Variants in MAGI1 observed in about 807,000 individuals in gnomAD.
MAGI1 encodes the protein membrane associated guanylate kinase, WW and PDZ domain containing 1.
In MAGI1, 58 loss-of-function variants were observed where a neutral mutation model predicts 139.9. The observed-to-expected ratio is 0.41, with a 90% CI of 0.34 to 0.52. The LOEUF (loss-of-function observed/expected upper bound fraction) is 0.52, where lower values mean the gene tolerates loss of function less well. Ranked by LOEUF, MAGI1 falls within the 20% of genes least tolerant of loss-of-function variation. MAGI1 has a pLI of 0.12. For synonymous variants in MAGI1, 812 were observed against 737.9 expected (o/e 1.10, Z -1.63); for missense variants, 1,874 against 1,901.6 (o/e 0.99, Z 0.27).
chr3:65,817,000 T>C (rs1249624080), intron 1 of MAGI1, among the ~76,000 whole-genome samples: 1 of 152,206 alleles, frequency 6.6e-6, no homozygotes, highest in Non-Finnish European at 1.5e-5. Context: ...TTGCATATTG[T>C]AGTCAATCAT....
At chr3:65,390,296 C>T (rs140708002) in intron 14 of MAGI1, among the ~76,000 whole-genome samples, 2 of 152,288 alleles carry the variant, frequency 1.3e-5, no homozygotes, top group Non-Finnish European at 2.9e-5. Context: ...ACCATCACAA[C>T]ACCTCTCTCC....
intron 1 of MAGI1, among the ~76,000 whole-genome samples, chr3:65,828,730 C>T (rs2042362678): frequency 1.3e-5 from 2 of 152,164 alleles, no homozygotes; most frequent in South Asian, 2.1e-4. Flanking sequence ...GGGTATGGAC[C>T]TTGAGATACG....
intron 1 of MAGI1, among the ~76,000 whole-genome samples, chr3:65,816,406 A>G (rs1559910514): frequency 2.0e-5 from 3 of 152,206 alleles, no homozygotes; most frequent in Non-Finnish European, 4.4e-5. Flanking sequence ...CATTTCAATG[A>G]ATTTATATTT....
At position 65,627,464 on chromosome 3, in the gene MAGI1, C is replaced by T. The variant is rs901735103; in HGVS notation, c.314-5376G>A. Among the ~76,000 whole-genome samples the T allele has an allele frequency of 5.1e-5, 6 of 117,528 alleles. No homozygotes were observed. The Admixed American group carries it at 5.2e-4, about 10-fold the overall frequency. The allele number at this position is 117,528 out of a possible 152,430, so 77.1% of individuals were successfully genotyped here. On this transcript the variant is annotated intron_variant, in intron 1 of 22. Transcript: ENST00000402939. The stretch of plus-strand genomic sequence containing the variant: ...GGGCTTAGATGCTCTCTTGATTTGC[C>T]GTTATTTTATATTTCTGTATCTTTT...
At chr3:65,391,757 GAAAT>G (rs1199273048) in intron 13 of MAGI1, among the ~76,000 whole-genome samples, 2 of 152,248 alleles carry the variant, frequency 1.3e-5, no homozygotes, top group South Asian at 4.2e-4. Flanking sequence ...ATATCCAGAA[GAAAT>G]ATAATCAGGG....
At chr3:65,850,753 C>T (rs570192038) in intron 1 of MAGI1, among the ~76,000 whole-genome samples, 4 of 152,112 alleles carry the variant, frequency 2.6e-5, no homozygotes, top group Non-Finnish European at 5.9e-5. Context: ...TTACTTTCTC[C>T]ACGGCTGAGA....
intron 4 of MAGI1, among the ~76,000 whole-genome samples, chr3:65,477,959 A>G (rs1327894908): frequency 2.0e-5 from 3 of 151,742 alleles, no homozygotes; most frequent in Non-Finnish European, 4.4e-5. Flanking sequence ...CCCTGAATAT[A>G]GATAAAATAT....
chr3:65,929,444 G>T (rs992652668), intron 1 of MAGI1, among the ~76,000 whole-genome samples: 1 of 151,606 alleles, frequency 6.6e-6, no homozygotes, highest in Admixed American at 6.6e-5. Context: ...AGGTTCAAGC[G>T]ATTCTCCTGC....
At chr3:65,748,557 T>C (rs1030411425) in intron 1 of MAGI1, among the ~76,000 whole-genome samples, 1 of 152,190 alleles carries the variant, frequency 6.6e-6, no homozygotes, top group Non-Finnish European at 1.5e-5. Flanking sequence ...TGCAACACAG[T>C]GAGGGGCAGG....
intron 12 of MAGI1, chr3:65,401,815 C>A: frequency 7.7e-7 from 1 of 1,304,326 alleles, no homozygotes. Flanking sequence ...ACTTAACTTA[C>A]AATTAAGTCC....
chr3:65,599,022 G>A lies in MAGI1; in HGVS notation c.430+22950C>T, dbSNP rs537297840. On this transcript the variant is annotated intron_variant, in intron 2 of 22. Transcript: ENST00000402939. ...CACTGCCTTCCTTCTCATAATCCAGGTGCTACAGAGTCACGTGCAAGCATC... is the reference window on the plus strand; with the variant it reads ...CACTGCCTTCCTTCTCATAATCCAGATGCTACAGAGTCACGTGCAAGCATC... Among the ~76,000 whole-genome samples, 3 of 152,292 alleles carry A rather than the reference G, an allele frequency of 2.0e-5. No individual in the cohort carries two copies. The South Asian group carries it at 6.2e-4, about 32-fold the overall frequency.
chr3:65,696,533 T>C (rs1053525302), intron 1 of MAGI1, among the ~76,000 whole-genome samples: 2 of 152,162 alleles, frequency 1.3e-5, no homozygotes, highest in Non-Finnish European at 2.9e-5. Context: ...TCCCCACTTA[T>C]AATTAAAATA....
At chr3:65,975,392 C>T (rs1481915311) in intron 1 of MAGI1, among the ~76,000 whole-genome samples, 6 of 152,158 alleles carry the variant, frequency 3.9e-5, no homozygotes, top group Non-Finnish European at 1.5e-5. Context: ...GGGTCTTCGA[C>T]ATTTTATATA....
chr3:65,612,069 A>G (rs1179334540), intron 2 of MAGI1, among the ~76,000 whole-genome samples: 1 of 152,140 alleles, frequency 6.6e-6, no homozygotes, highest in East Asian at 1.9e-4. Flanking sequence ...CGATCTATCA[A>G]CATAGTAACA....
At chr3:65,987,717 G>A (rs1226893176) in intron 1 of MAGI1, among the ~76,000 whole-genome samples, 1 of 31,542 alleles carries the variant, frequency 3.2e-5, no homozygotes, top group Non-Finnish European at 8.0e-5. Context: ...CTACAGGTGA[G>A]TACCACCATG....
At chr3:65,401,855 G>A (rs1259131445) in intron 12 of MAGI1, 1 of 984,904 alleles carries the variant, frequency 1.0e-6, no homozygotes, top group Non-Finnish European at 1.2e-6. Context: ...CGATCCACTT[G>A]TCAATTGAAA....
intron 1 of MAGI1, among the ~76,000 whole-genome samples, chr3:65,714,370 A>G (rs1328740428): frequency 6.6e-6 from 1 of 151,986 alleles, no homozygotes; most frequent in Non-Finnish European, 1.5e-5. Context: ...TCCATCCAGG[A>G]AAGAGCAGGC....
rs142975084 is a variant in MAGI1, at chr3:65,355,119, C to T, written c.*1259G>A. On this transcript the variant is annotated 3_prime_UTR_variant, in exon 23 of 23. Coordinates refer to ENST00000402939, the MANE Select transcript of MAGI1 (RefSeq NM_001033057.2). ...GGGGCTACGGCCGACCCAACCACAG[C>T]TCCTGTGGGATCAAAAAGAATGGGT... is the stretch of plus-strand genomic sequence containing the variant. 6.5e-6 allele frequency: 1 copy of T among 152,712 alleles called. No individual in the cohort carries two copies. Among genetic ancestry groups the T allele is most frequent in the Non-Finnish European group, 1.5e-5 (1 of 68,032 alleles). The allele number at this position is 152,712 out of a possible 1,614,324, so 9.5% of individuals were successfully genotyped here.
At chr3:65,696,971 C>T (rs6765685) in intron 1 of MAGI1, among the ~76,000 whole-genome samples, 65,584 of 151,776 alleles carry the variant, frequency 0.43, 14,883 homozygotes, top group African/African-American at 0.58. Flanking sequence ...ATTGATAGAC[C>T]GCTAGCAAGA....
Sources: gnomAD v4.1 joint callset for allele counts (sites outside exome capture counted in the v4.1 genomes callset) on GRCh38, gnomAD v4.1.1 for gene constraint, MANE v1.5 for transcripts, NCBI Gene and HGNC (gene_info 2026-07-23, HGNC 2026-07-21) for gene names.